The following NEMF variants were observed in gnomAD, a reference collection of about 807,000 sequenced individuals.
NEMF encodes ribosome quality control complex subunit NEMF.
A neutral mutation model predicts 162.2 loss-of-function variants in NEMF; 89 were observed. That is an observed-to-expected ratio of 0.55 (90% confidence interval 0.46 to 0.65). NEMF has a LOEUF of 0.65. Ranked by LOEUF, NEMF falls within the 30% of genes least tolerant of loss-of-function variation. The pLI is 0.00. For synonymous variants in NEMF, 421 were observed against 404.5 expected (o/e 1.04, Z -0.49); for missense variants, 1,133 against 1,261.9 (o/e 0.90, Z 1.55).
chr14:49,788,622 A>G (rs999096896), intron 28 of NEMF, among the ~76,000 whole-genome samples: 1 of 147,898 alleles, frequency 6.8e-6, no homozygotes, highest in African/African-American at 2.5e-5. Context: ...CAGTGGCACA[A>G]TCTCGGCTCA....
intron 4 of NEMF, among the ~76,000 whole-genome samples, chr14:49,841,873 A>C (rs1460074328): frequency 6.6e-6 from 1 of 152,186 alleles, no homozygotes; most frequent in Non-Finnish European, 1.5e-5. Context: ...TGGGAGGCTG[A>C]GGCGGGCAGA....
chr14:49,826,356 A>G (rs1737562291), intron 15 of NEMF, among the ~76,000 whole-genome samples: 1 of 152,104 alleles, frequency 6.6e-6, no homozygotes, highest in African/African-American at 2.4e-5. Flanking sequence ...TATTAATCAT[A>G]TAATCCTTTA....
At chr14:49,784,882 G>A (rs1204724210) in intron 32 of NEMF, 43 bp downstream of exon 32, 1 of 1,523,520 alleles carries the variant, frequency 6.6e-7, no homozygotes, top group South Asian at 1.1e-5. Context: ...ATTTTAAATT[G>A]TACTGTCAGT....
rs1892513249 is a variant in NEMF, at chr14:49,829,123, T to A, written c.1163A>T (p.Gln388Leu). The A allele has an allele frequency of 1.2e-6, 2 of 1,614,082 alleles. No homozygotes were observed. Among genetic ancestry groups the A allele is most frequent in the African/African-American group, 1.3e-5 (1 of 74,944 alleles). ...GATTGCACTTGCAACAGGGTCTCCT[T>A]GAGCCTGGGCTTCTTTCACAATTAA... is the stretch of plus-strand genomic sequence containing the variant. ...IGLIVKEAQAQGDPVASAIKE... is the reference protein window; with the variant it reads ...IGLIVKEAQALGDPVASAIKE... Residue 388 changes from glutamine to leucine, a missense_variant, in exon 13 of 33, where the codon CAA becomes CTA. Physicochemically the swap from Gln to Leu is moderately radical, Grantham distance 113. Around this residue, in one of 3 missense-constraint regions of NEMF, gnomAD observed 582 missense variants for 631.5 expected, o/e 0.92. Transcript: ENST00000298310.
intron 26 of NEMF, among the ~76,000 whole-genome samples, chr14:49,793,111 A>G (rs966940184): frequency 6.6e-5 from 10 of 152,238 alleles, no homozygotes. Flanking sequence ...CAATGATAAA[A>G]TCTTAGAAAC....
At chr14:49,833,071 G>C (rs1184654142) in intron 8 of NEMF, among the ~76,000 whole-genome samples, 2 of 152,104 alleles carry the variant, frequency 1.3e-5, no homozygotes, top group Non-Finnish European at 2.9e-5. Flanking sequence ...TTCGAGACCA[G>C]CCTGGCCAAC....
chr14:49,805,461 G>A (rs7144477), intron 19 of NEMF, among the ~76,000 whole-genome samples: 143,000 of 151,960 alleles, frequency 0.94, 67,903 homozygotes, highest in East Asian at 1. Context: ...TCAGGAATTC[G>A]AGACCAGCTT....
At chr14:49,788,692 C>T (rs577120954) in intron 28 of NEMF, among the ~76,000 whole-genome samples, 1 of 151,730 alleles carries the variant, frequency 6.6e-6, no homozygotes, top group Admixed American at 6.6e-5. Flanking sequence ...GTAGCTGAGA[C>T]TACAGGCGCT....
chr14:49,803,381 T>A, intron 19 of NEMF, 87 bp from the exon 20 acceptor site: 1 of 881,182 alleles, frequency 1.1e-6, no homozygotes, highest in Non-Finnish European at 1.8e-6. Context: ...AAAGTCAGAG[T>A]CAAGTAAGCC....
intron 16 of NEMF, chr14:49,820,401 G>A (rs1162970005): frequency 2.6e-5 from 12 of 456,602 alleles, no homozygotes; most frequent in Admixed American, 2.6e-4. Context: ...CTTACGCGTT[G>A]TCCTCTGGTC....
chr14:49,796,002 TA>T, intron 25 of NEMF, 58 bp from the exon 26 acceptor site: 1 of 1,420,952 alleles, frequency 7.0e-7, no homozygotes. Context: ...CTTAGTGCCC[TA>T]AAAAAGTTCC....
chr14:49,842,639 A>C lies in NEMF; in HGVS notation c.358-1773T>G, dbSNP rs574419017. On this transcript the variant is annotated intron_variant, in intron 4 of 32. Transcript: ENST00000298310. ...ATCTGAAATGACAGGTTGCAATGTA[A>C]GTGGCTTCAGTAAATGTAGCCACCA... Among the ~76,000 whole-genome samples the C allele has an allele frequency of 3.3e-4, 50 of 152,386 alleles. No homozygotes were observed. The Middle Eastern group carries it at 0.014, about 41-fold the overall frequency.
chr14:49,829,587 C>CG (rs1892539291), intron 11 of NEMF, among the ~76,000 whole-genome samples, 161 bp from the exon 12 acceptor site: 1 of 152,160 alleles, frequency 6.6e-6, no homozygotes, highest in East Asian at 1.9e-4. Context: ...CACTACAATG[C>CG]GTTCCATGCC....
At position 49,792,185 on chromosome 14, in the gene NEMF, TAGTTTTATA is replaced by T. The variant is rs201264066; in HGVS notation, c.2620-2621_2620-2613del. ...CTCACAAAACCCAAAACATTAGGTCTAGTTTTATAAGCAAATGCTATCCAATTTCAAGGA... is the reference window on the plus strand; with the variant it reads ...CTCACAAAACCCAAAACATTAGGTCTAGCAAATGCTATCCAATTTCAAGGA... On this transcript the variant is annotated intron_variant, in intron 26 of 32. Coordinates refer to ENST00000298310, the MANE Select transcript of NEMF (RefSeq NM_004713.6). Among the ~76,000 whole-genome samples the T allele has an allele frequency of 6.1e-4, 92 of 151,964 alleles. 2 individuals carry two copies. In the East Asian group the frequency reaches 0.017, roughly 29 times the overall value.
Position 49,785,227 on chromosome 14 carries a change from T to A in NEMF, c.3022A>T (p.Asn1008Tyr), listed in dbSNP as rs955479027. The change falls in exon 30 of 33, where the codon AAC becomes TAC. Residue 1008 changes from asparagine to tyrosine, a missense_variant. Around this residue, in one of 3 missense-constraint regions of NEMF, gnomAD observed 532 missense variants for 578.6 expected, o/e 0.92. Transcript: ENST00000298310. ...CAACTAATGGTAACTTACTTGTAGT[T>A]TGTCATGGTGGTGTAAGGGGCACAT... ...PICAPYTTMT[N>Y]YKYKVKLTPG... 1.9e-6 allele frequency: 3 copies of A among 1,613,028 alleles called. No individual in the cohort carries two copies. In the East Asian group the frequency reaches 6.7e-5, roughly 36 times the overall value.
intron 3 of NEMF, among the ~76,000 whole-genome samples, chr14:49,847,355 T>C (rs1056415395): frequency 3.3e-5 from 5 of 151,318 alleles, no homozygotes; most frequent in Admixed American, 6.6e-5. Flanking sequence ...AGGCGCCCAC[T>C]ACCACGCCTG....
intron 6 of NEMF, among the ~76,000 whole-genome samples, chr14:49,836,308 A>T (rs1391885797): frequency 1.3e-5 from 2 of 151,998 alleles, no homozygotes; most frequent in Admixed American, 1.3e-4. Context: ...CCTTATCAAA[A>T]TCCTATGAGG....
chr14:49,836,739 A>G (rs1892925221), intron 6 of NEMF, among the ~76,000 whole-genome samples: 1 of 152,144 alleles, frequency 6.6e-6, no homozygotes, highest in African/African-American at 2.4e-5. Flanking sequence ...AGTATCCCTT[A>G]TGTGATGTGT....
chr14:49,823,652 GA>G (rs1892199207), intron 16 of NEMF, among the ~76,000 whole-genome samples: 1 of 152,020 alleles, frequency 6.6e-6, no homozygotes, highest in South Asian at 2.1e-4. Context: ...AGAAGGAAAA[GA>G]AAAAAGAAAG....
Sources: allele counts gnomAD v4.1 joint callset (sites outside exome capture counted in the v4.1 genomes callset), GRCh38; gene constraint gnomAD v4.1.1; regional missense constraint gnomAD v4.1.1; transcripts MANE v1.5; gene names NCBI Gene and HGNC (gene_info 2026-07-23, HGNC 2026-07-21).